PRKN: variants seen among roughly 807,000 people sequenced by gnomAD.
PRKN encodes parkin RBR E3 ubiquitin protein ligase, also known as E3 ubiquitin-protein ligase parkin.
Under a neutral mutation model 59.5 loss-of-function variants are expected in PRKN, and 56 were observed. The observed-to-expected ratio is 0.94, with a 90% CI of 0.76 to 1.18. The LOEUF is 1.18. Ranked by LOEUF, PRKN falls within the 50% of genes most tolerant of loss-of-function variation. The pLI, the probability that PRKN is intolerant of heterozygous loss-of-function variation, is 0.00. For synonymous variants in PRKN, 250 were observed against 222.1 expected, an observed-to-expected ratio of 1.13 and a Z score of -1.12; for missense variants, 657 against 596.4, an observed-to-expected ratio of 1.10 and a Z score of -1.06.
At position 161,503,877 on chromosome 6, in the gene PRKN, C is replaced by T. The variant is rs1247358342; in HGVS notation, c.1083+44977G>A. On this transcript the variant is annotated intron_variant, in intron 9 of 11. Transcript: ENST00000366898. The surrounding 1 kb of genome is among the most constrained non-coding windows in gnomAD (Gnocchi z 5.1). ...ATTCTGATAATGATGATTATATCAC[C>T]ACCAGAGTCCCCTTCAGCCTTGATC... 2.0e-5 allele frequency among the ~76,000 whole-genome samples: 3 copies of T among 152,144 alleles called. No homozygotes were observed. The highest frequency in any genetic ancestry group is 4.4e-5 in the Non-Finnish European group (3 of 68,024).
intron 2 of PRKN, among the ~76,000 whole-genome samples, chr6:162,397,796 G>A (rs1345703013): frequency 6.6e-6 from 1 of 152,086 alleles, no homozygotes; most frequent in Non-Finnish European, 1.5e-5. Flanking sequence ...TAGCACTTTG[G>A]GAGGCCAAGG....
chr6:162,539,291 A>T (rs182504088), intron 1 of PRKN, among the ~76,000 whole-genome samples: 24 of 152,262 alleles, frequency 1.6e-4, no homozygotes, highest in African/African-American at 4.3e-4. Context: ...GGGATGCTAT[A>T]ATTTTCATCT....
Position 161,550,041 on chromosome 6 carries a change from G to C in PRKN, c.934-1038C>G, listed in dbSNP as rs1052588306. Reference sequence around the variant, plus strand: ...GATTACAGAATGCCTTACAAAGCAGGTGTCTTTAAGCAAATGTCTGAAGGA... The same window carrying C: ...GATTACAGAATGCCTTACAAAGCAGCTGTCTTTAAGCAAATGTCTGAAGGA... On this transcript the variant is annotated intron_variant, in intron 8 of 11. Transcript: ENST00000366898. The surrounding 1 kb of genome is among the most constrained non-coding windows in gnomAD (Gnocchi z 4.0). Among the ~76,000 whole-genome samples, 1 of 152,164 alleles carries C rather than the reference G, an allele frequency of 6.6e-6. No homozygotes were observed.
intron 6 of PRKN, among the ~76,000 whole-genome samples, chr6:161,835,066 C>T (rs139509055): frequency 2.6e-5 from 4 of 152,308 alleles, no homozygotes; most frequent in African/African-American, 9.6e-5. Flanking sequence ...CCGTCTCTTA[C>T]TGATTTCACT....
intron 9 of PRKN, among the ~76,000 whole-genome samples, chr6:161,436,333 G>A (rs1274213309): frequency 6.9e-6 from 1 of 144,998 alleles, no homozygotes; most frequent in African/African-American, 2.6e-5. Context: ...GAGGAGGCGG[G>A]ATGGGAGGGC....
intron 6 of PRKN, among the ~76,000 whole-genome samples, chr6:161,885,840 G>T (rs113355028): frequency 6.6e-6 from 1 of 152,232 alleles, no homozygotes; most frequent in African/African-American, 2.4e-5. Flanking sequence ...GGTGGACACT[G>T]GCTCCATCAT....
At chr6:161,453,140 A>T (rs984375254) in intron 9 of PRKN, among the ~76,000 whole-genome samples, 47 of 152,190 alleles carry the variant, frequency 3.1e-4, no homozygotes, top group Non-Finnish European at 6.6e-4. Context: ...GAAAGTTTTT[A>T]AAAAATGGAA....
At chr6:162,215,126 A>G (rs1270560340) in intron 3 of PRKN, among the ~76,000 whole-genome samples, 10 of 152,064 alleles carry the variant, frequency 6.6e-5, no homozygotes, top group Non-Finnish European at 1.3e-4. Context: ...TGCCCACTAC[A>G]TTTGAGTTGC....
At chr6:162,208,235 ATGCTTTT>A (rs1785042604) in intron 3 of PRKN, among the ~76,000 whole-genome samples, 1 of 152,192 alleles carries the variant, frequency 6.6e-6, no homozygotes, top group African/African-American at 2.4e-5. Context: ...TGCCTGTTCC[ATGCTTTT>A]AACGAGCCAT....
intron 9 of PRKN, among the ~76,000 whole-genome samples, chr6:161,426,219 G>A (rs1022150669): frequency 3.9e-5 from 6 of 152,196 alleles, no homozygotes; most frequent in Non-Finnish European, 5.9e-5. Context: ...GGGGCGTGCT[G>A]AAGTACCTCA....
intron 1 of PRKN, among the ~76,000 whole-genome samples, chr6:162,446,022 A>G (rs1790301341): frequency 6.6e-6 from 1 of 152,170 alleles, no homozygotes; most frequent in Non-Finnish European, 1.5e-5. Flanking sequence ...TGCTCCAAAT[A>G]AAGAAAATTC....
chr6:162,507,323 C>A (rs1467431673), intron 1 of PRKN, among the ~76,000 whole-genome samples: 1 of 152,194 alleles, frequency 6.6e-6, no homozygotes, highest in Non-Finnish European at 1.5e-5. Flanking sequence ...TTAAAACCAT[C>A]CAATGGCTTC....
At chr6:162,086,374 T>C (rs1369676422) in intron 4 of PRKN, among the ~76,000 whole-genome samples, 1 of 152,100 alleles carries the variant, frequency 6.6e-6, no homozygotes, top group Non-Finnish European at 1.5e-5. Context: ...AAGCAGGTAG[T>C]TTGAGAGTGT....
intron 4 of PRKN, among the ~76,000 whole-genome samples, chr6:162,100,004 G>A (rs78185344): frequency 0.012 from 1,884 of 152,258 alleles, 43 homozygotes; most frequent in African/African-American, 0.043. Flanking sequence ...TAGATTCCAC[G>A]TATACGTGAA....
chr6:161,469,100 T>C (rs147013666), intron 9 of PRKN, among the ~76,000 whole-genome samples: 1 of 148,594 alleles, frequency 6.7e-6, no homozygotes, highest in African/African-American at 2.6e-5. Flanking sequence ...TATGGTAGCA[T>C]TCATGGTTTG....
intron 1 of PRKN, among the ~76,000 whole-genome samples, chr6:162,676,961 T>C (rs1192409779): frequency 1.3e-5 from 2 of 149,388 alleles, no homozygotes; most frequent in Non-Finnish European, 3.0e-5. Flanking sequence ...CTTGGGAGGC[T>C]GAGGCAGAAG....
chr6:161,710,698 G>A (rs1487562587), intron 7 of PRKN, among the ~76,000 whole-genome samples: 1 of 152,060 alleles, frequency 6.6e-6, no homozygotes, highest in Admixed American at 6.5e-5. Context: ...GCTCACCACC[G>A]GGCTCTGTCC....
At chr6:162,647,098 T>C (rs1000702122) in intron 1 of PRKN, among the ~76,000 whole-genome samples, 3 of 152,102 alleles carry the variant, frequency 2.0e-5, no homozygotes, top group African/African-American at 7.2e-5. Flanking sequence ...CCCTTCCCTC[T>C]GAGCCCTCTC....
At chr6:161,594,182 G>A (rs950843405) in intron 7 of PRKN, among the ~76,000 whole-genome samples, 1 of 151,924 alleles carries the variant, frequency 6.6e-6, no homozygotes, top group Non-Finnish European at 1.5e-5. Flanking sequence ...AACAAAAAAA[G>A]AACTGACTGC....
Sources: allele counts gnomAD v4.1 joint callset (sites outside exome capture counted in the v4.1 genomes callset), GRCh38; gene constraint gnomAD v4.1.1; non-coding constraint Gnocchi (gnomAD v3.1); transcripts MANE v1.5; gene names NCBI Gene and HGNC (gene_info 2026-07-23, HGNC 2026-07-21).